Variants in INTS6L observed in about 807,000 individuals in gnomAD.
INTS6L encodes the protein integrator complex subunit 6 like.
A neutral mutation model predicts 64.7 loss-of-function variants in INTS6L; 18 were observed. The observed-to-expected ratio is 0.28, with a 90% CI of 0.19 to 0.41. The LOEUF (loss-of-function observed/expected upper bound fraction) is 0.41, where lower values mean the gene tolerates loss of function less well. Among genes scored for constraint, INTS6L ranks in the 10% least tolerant of loss-of-function variants. The probability of loss-of-function intolerance (pLI) is 1.00; values close to 1 mark genes in which losing one functional copy is unlikely to be tolerated. For synonymous variants in INTS6L, 227 were observed against 235.9 expected (o/e 0.96, Z 0.34); for missense variants, 533 against 661.0 (o/e 0.81, Z 2.12).
At chrX:135,545,819 C>G (rs1556514873) in intron 3 of INTS6L, among the ~76,000 whole-genome samples, 1 of 112,017 alleles carries the variant, frequency 8.9e-6, no homozygotes, top group Admixed American at 9.4e-5. Flanking sequence ...TGTGAATAAA[C>G]GGCTGAGAAA....
At chrX:135,559,467 C>T (rs1413815661) in intron 9 of INTS6L, among the ~76,000 whole-genome samples, 9 of 112,386 alleles carry the variant, frequency 8.0e-5, no homozygotes, top group Non-Finnish European at 1.1e-4. Flanking sequence ...TTGCAAGTAT[C>T]AATAGTTTGT....
At chrX:135,537,567 C>A (rs1556509530) in intron 2 of INTS6L, among the ~76,000 whole-genome samples, 1 of 111,784 alleles carries the variant, frequency 8.9e-6, no homozygotes, top group African/African-American at 3.3e-5. Context: ...TTACTCTAGA[C>A]CACTTGCCAA....
At chrX:135,560,286 C>T (rs1336339635) in intron 9 of INTS6L, among the ~76,000 whole-genome samples, 1 of 112,147 alleles carries the variant, frequency 8.9e-6, no homozygotes, top group Admixed American at 9.5e-5. Context: ...ACTGAGCTCA[C>T]TTATTAGTTG....
At chrX:135,574,715 A>C (rs1174731311) in intron 13 of INTS6L, among the ~76,000 whole-genome samples, 2 of 112,021 alleles carry the variant, frequency 1.8e-5, no homozygotes, top group Non-Finnish European at 3.8e-5. Context: ...TCAGTGATTA[A>C]GACCTACTAA....
chrX:135,572,762 A>G, intron 11 of INTS6L, 53 bp from the exon 12 acceptor site: 3 of 1,034,683 alleles, frequency 2.9e-6, no homozygotes, highest in Non-Finnish European at 4.0e-6. Flanking sequence ...AGTAGTAAAA[A>G]TGACAGTGGT....
chrX:135,533,111 C>T (rs781859979), intron 2 of INTS6L, among the ~76,000 whole-genome samples: 1 of 111,673 alleles, frequency 9.0e-6, no homozygotes, highest in South Asian at 3.7e-4. Flanking sequence ...AAAAAAACAA[C>T]TTTTAAATTT....
chrX:135,552,501 T>G (rs2086532038), intron 8 of INTS6L, among the ~76,000 whole-genome samples: 1 of 112,209 alleles, frequency 8.9e-6, no homozygotes, highest in Non-Finnish European at 1.9e-5. Context: ...GTTTAGCCCT[T>G]ACTTTGAACT....
At chrX:135,523,348 G>C (rs1556498943) in intron 2 of INTS6L, among the ~76,000 whole-genome samples, 1 of 88,869 alleles carries the variant, frequency 1.1e-5, no homozygotes, top group African/African-American at 4.3e-5. Flanking sequence ...GTTGCAGTGA[G>C]CCAAGACCAT....
chrX:135,543,495 C>A (rs181281139), intron 2 of INTS6L, among the ~76,000 whole-genome samples: 3 of 111,515 alleles, frequency 2.7e-5, no homozygotes, highest in Non-Finnish European at 5.6e-5. Context: ...AGTGAGAAGC[C>A]TTCCCTCACT....
chrX:135,578,491 A>G (rs2087289888), intron 15 of INTS6L, among the ~76,000 whole-genome samples: 1 of 111,714 alleles, frequency 9.0e-6, no homozygotes, highest in African/African-American at 3.3e-5. Context: ...CTTCATGTAA[A>G]TAATGCTAAT....
At chrX:135,553,252 G>C (rs2086549512) in intron 8 of INTS6L, among the ~76,000 whole-genome samples, 2 of 111,003 alleles carry the variant, frequency 1.8e-5, no homozygotes, top group Admixed American at 1.9e-4. Flanking sequence ...GACAGAAGAG[G>C]ACACAAGGAG....
chrX:135,578,666 C>T lies in INTS6L; in HGVS notation c.2120-1122C>T, dbSNP rs1387450462. On this transcript the variant is annotated intron_variant, in intron 15 of 17. Coordinates refer to ENST00000639893, the MANE Select transcript of INTS6L (RefSeq NM_001351601.3). ...CATGATTTTTCTCTTATTCTTCCCT[C>T]GCTTTGATACCTTTCACAAGTTCAG... 2.7e-5 allele frequency among the ~76,000 whole-genome samples: 3 copies of T among 110,993 alleles called. No homozygotes were observed. In the East Asian group the frequency reaches 8.6e-4, roughly 32 times the overall value.
At chrX:135,549,523 C>A in intron 6 of INTS6L, 119 bp from the exon 7 acceptor site, 3 of 809,385 alleles carry the variant, frequency 3.7e-6, no homozygotes, top group African/African-American at 2.1e-5. Flanking sequence ...TTCCATTTTT[C>A]ATGAATCATT....
At chrX:135,577,485 A>G in intron 15 of INTS6L, 58 bp downstream of exon 15, 1 of 1,076,091 alleles carries the variant, frequency 9.3e-7, no homozygotes, top group Non-Finnish European at 1.3e-6. Context: ...ACGCTAAACA[A>G]TTTTATTTCC....
chrX:135,534,003 G>A (rs1418495343), intron 2 of INTS6L, among the ~76,000 whole-genome samples: 1 of 110,743 alleles, frequency 9.0e-6, no homozygotes, highest in Non-Finnish European at 1.9e-5. Context: ...GACTTTTGGA[G>A]GGAGGAGAAA....
At chrX:135,573,126 C>T (rs2087134809) in intron 12 of INTS6L, 93 bp downstream of exon 12, 4 of 802,437 alleles carry the variant, frequency 5.0e-6, no homozygotes, top group South Asian at 2.7e-5. Flanking sequence ...AATGGACAAT[C>T]CTATTTTGGA....
Position 135,577,395 on chromosome X carries a change from C to G in INTS6L, c.2087C>G (p.Pro696Arg), listed in dbSNP as rs782380206. ...TCAGCCTCGTGGTTCCCATCTTATC[C>G]AAACCTCATAAAACCCACCCTTGTA... ...PPSASWFPSY[P>R]NLIKPTLVHT... Residue 696 changes from proline to arginine, a missense_variant, in exon 15 of 18, where the codon CCA becomes CGA. Physicochemically the swap from Pro to Arg is moderately radical, Grantham distance 103 (BLOSUM62 -2). Transcript: ENST00000639893. The G allele has an allele frequency of 8.3e-7, 1 of 1,211,794 alleles. No homozygotes were observed. Among genetic ancestry groups the G allele is most frequent in the Non-Finnish European group, 1.1e-6 (1 of 895,540 alleles).
rs191915788 is a variant in INTS6L, at chrX:135,578,970, C to T, written c.2120-818C>T. 1.6e-4 allele frequency among the ~76,000 whole-genome samples: 18 copies of T among 111,702 alleles called. No individual in the cohort carries two copies. In the East Asian group the frequency reaches 4.3e-3, roughly 26 times the overall value. On this transcript the variant is annotated intron_variant, in intron 15 of 17. Transcript: ENST00000639893. ...ACCAGCTTTAGTCTGCAAGACTGCA[C>T]GGCTGGCCTCTGTCACCTTCTCCTA...
In INTS6L at chrX:135,569,416, T is replaced by A; in HGVS notation, c.1272T>A (p.Pro424=). Residue 424 remains proline (P), a synonymous_variant, in exon 10 of 18, where the codon CCT becomes CCA. Coordinates refer to ENST00000639893, the MANE Select transcript of INTS6L (RefSeq NM_001351601.3). ...QAFDSYLKTL[P]PYYLLPLKKA... ...TTGACAGCTACTTAAAAACTCTGCCTCCATACTACCTATTAGTATGTATTT... is the reference window on the plus strand; with the variant it reads ...TTGACAGCTACTTAAAAACTCTGCCACCATACTACCTATTAGTATGTATTT... 1 of 1,173,161 alleles carries A rather than the reference T, an allele frequency of 8.5e-7. No individual in the cohort carries two copies. Among genetic ancestry groups the A allele is most frequent in the Non-Finnish European group, 1.1e-6 (1 of 870,649 alleles).
Sources: gnomAD v4.1 joint callset for allele counts (sites outside exome capture counted in the v4.1 genomes callset) on GRCh38, gnomAD v4.1.1 for gene constraint, MANE v1.5 for transcripts, NCBI Gene and HGNC (gene_info 2026-07-23, HGNC 2026-07-21) for gene names.